Variants in MAPK10 observed in about 807,000 individuals in gnomAD.
MAPK10 encodes the protein JNK3 alpha protein kinase.
Under a neutral mutation model 59.3 loss-of-function variants are expected in MAPK10, and 25 were observed. The observed-to-expected ratio is 0.42, with a 90% CI of 0.31 to 0.59. The LOEUF is 0.59. Among genes scored for constraint, MAPK10 ranks in the 20% least tolerant of loss-of-function variants. MAPK10 has a pLI of 0.15. For synonymous variants in MAPK10, 190 were observed against 200.5 expected (o/e 0.95, Z 0.44); for missense variants, 351 against 568.9 (o/e 0.62, Z 3.90).
intron 4 of MAPK10, among the ~76,000 whole-genome samples, chr4:86,157,830 A>C (rs2068286124): frequency 6.6e-6 from 1 of 151,954 alleles, no homozygotes; most frequent in African/African-American, 2.4e-5. Flanking sequence ...TCTATTTTTG[A>C]GTCATTAAAG....
intron 1 of MAPK10, among the ~76,000 whole-genome samples, chr4:86,417,020 T>G (rs1261764710): frequency 1.3e-5 from 2 of 152,198 alleles, no homozygotes; most frequent in Admixed American, 6.5e-5. Flanking sequence ...AGAGAACACC[T>G]GCATTATCTG....
intron 1 of MAPK10, among the ~76,000 whole-genome samples, chr4:86,416,922 T>C (rs1256700525): frequency 2.6e-5 from 4 of 152,216 alleles, no homozygotes; most frequent in Non-Finnish European, 5.9e-5. Context: ...AAGAACCTGC[T>C]GCTGGAATTG....
rs566687927 is a variant in MAPK10 at position 86,584,558 on chromosome 4, C to G, written c.-263+9352G>C. ...TTCCAGGCTCAAGCAATCCTCCCAT[C>G]TCAGCCTCCCAAGTTGCTGGGACTA... On this transcript the variant is annotated intron_variant, in intron 1 of 4. Coordinates refer to the MAPK10 transcript ENST00000502302. Among the ~76,000 whole-genome samples, 7 of 152,250 alleles carry G rather than the reference C, an allele frequency of 4.6e-5. No individual in the cohort carries two copies. The South Asian group carries it at 1.5e-3, about 32-fold the overall frequency.
intron 11 of MAPK10, among the ~76,000 whole-genome samples, chr4:86,042,454 C>T (rs1035377831): frequency 4.0e-5 from 6 of 151,886 alleles, no homozygotes; most frequent in South Asian, 2.1e-4. Context: ...CAAACCTGCA[C>T]GTTCTGCACA....
At chr4:86,350,650 A>G (rs1275343817) in intron 2 of MAPK10, among the ~76,000 whole-genome samples, 8 of 152,210 alleles carry the variant, frequency 5.3e-5, no homozygotes. Context: ...CCACCTGGCC[A>G]GAAGTATGGC....
intron 11 of MAPK10, among the ~76,000 whole-genome samples, chr4:86,037,275 C>T (rs945607966): frequency 6.6e-6 from 1 of 152,142 alleles, no homozygotes; most frequent in Non-Finnish European, 1.5e-5. Context: ...AATCCCAGGC[C>T]TTTGGGAGGC....
intron 5 of MAPK10, among the ~76,000 whole-genome samples, chr4:86,106,181 A>G (rs2056498766): frequency 6.6e-6 from 1 of 152,136 alleles, no homozygotes; most frequent in South Asian, 2.1e-4. Flanking sequence ...GAATCTGCAT[A>G]TTTGCATTTC....
intron 1 of MAPK10, among the ~76,000 whole-genome samples, chr4:86,483,336 G>A (rs1326591006): frequency 6.6e-6 from 1 of 151,994 alleles, no homozygotes; most frequent in South Asian, 2.1e-4. Context: ...ATTTGATTAT[G>A]AGTGTGCTTA....
chr4:86,503,348 A>C (rs1326909608), intron 1 of MAPK10, among the ~76,000 whole-genome samples: 2 of 151,976 alleles, frequency 1.3e-5, no homozygotes, highest in East Asian at 3.9e-4. Flanking sequence ...TACTTTTCCA[A>C]TTAGATTGTT....
intron 1 of MAPK10, among the ~76,000 whole-genome samples, chr4:86,554,505 A>C (rs1434417978): frequency 6.6e-6 from 1 of 152,194 alleles, no homozygotes. Flanking sequence ...CAAGTAAAAA[A>C]TTCATCTGGA....
rs368065983 is a variant in MAPK10 at position 86,420,911 on chromosome 4, AT to A, written c.-122+32118del. On this transcript the variant is annotated intron_variant, in intron 1 of 13. Transcript: ENST00000361569. ...AGCCTGGCCAACAAGGGGAAACCCCATCTCTACTAAAAATACAAAAATTAGC... is the reference window on the plus strand; with the variant it reads ...AGCCTGGCCAACAAGGGGAAACCCCACTCTACTAAAAATACAAAAATTAGC... Among the ~76,000 whole-genome samples, 46 of 152,152 alleles carry A rather than the reference AT, an allele frequency of 3.0e-4. No homozygotes were observed. The East Asian group carries it at 3.7e-3, about 12-fold the overall frequency.
intron 2 of MAPK10, among the ~76,000 whole-genome samples, chr4:86,213,401 G>T (rs1386252063): frequency 6.6e-6 from 1 of 152,054 alleles, no homozygotes; most frequent in Non-Finnish European, 1.5e-5. Context: ...AAAGAAAATT[G>T]TTGAAATCGA....
At chr4:86,458,215 G>T, upstream of MAPK10, among the ~76,000 whole-genome samples, 1 of 151,862 alleles carries the variant, frequency 6.6e-6, no homozygotes, top group East Asian at 1.9e-4. Context: ...CAGGAGAATT[G>T]CTTGAACCTG....
At chr4:86,043,170 G>C (rs1362641526) in intron 11 of MAPK10, among the ~76,000 whole-genome samples, 1 of 152,092 alleles carries the variant, frequency 6.6e-6, no homozygotes, top group Admixed American at 6.6e-5. Context: ...TTAAAATTAA[G>C]GCTGTGGTGG....
chr4:86,191,147 G>A lies in MAPK10; in HGVS notation c.66+3189C>T, dbSNP rs557103921. ...ATTTCCATTCTTTTGCATTTGCTGAGGAGTGTTTTACTTCCAATTATGTGG... is the reference window on the plus strand; with the variant it reads ...ATTTCCATTCTTTTGCATTTGCTGAAGAGTGTTTTACTTCCAATTATGTGG... On this transcript the variant is annotated intron_variant, in intron 3 of 13. Transcript: ENST00000641462. Among the ~76,000 whole-genome samples the A allele has an allele frequency of 9.9e-5, 15 of 152,244 alleles. No homozygotes were observed. In the South Asian group the frequency reaches 1.9e-3, roughly 19 times the overall value.
At chr4:86,166,681 C>T (rs551949308) in intron 3 of MAPK10, among the ~76,000 whole-genome samples, 30 of 152,238 alleles carry the variant, frequency 2.0e-4, no homozygotes, top group Non-Finnish European at 3.8e-4. Flanking sequence ...GACAGTGCTC[C>T]ATGAATATCC....
At chr4:86,592,230 C>G (rs1763093194) in intron 1 of MAPK10, among the ~76,000 whole-genome samples, 1 of 151,952 alleles carries the variant, frequency 6.6e-6, no homozygotes, top group South Asian at 2.1e-4. Context: ...AGGAATTTAA[C>G]CTGTAGATTT....
intron 11 of MAPK10, chr4:86,040,812 G>C (rs941983850): frequency 3.3e-5 from 5 of 151,988 alleles, no homozygotes; most frequent in Non-Finnish European, 7.4e-5. Context: ...AGGAGTGTAT[G>C]GGACAACATA....
intron 3 of MAPK10, among the ~76,000 whole-genome samples, chr4:86,160,046 T>C (rs1562480320): frequency 6.6e-6 from 1 of 152,046 alleles, no homozygotes; most frequent in Non-Finnish European, 1.5e-5. Context: ...GAATTAAGCA[T>C]AGCAAAATTC....
Sources: allele counts gnomAD v4.1 joint callset (sites outside exome capture counted in the v4.1 genomes callset), GRCh38; gene constraint gnomAD v4.1.1; transcripts MANE v1.5; gene names NCBI Gene and HGNC (gene_info 2026-07-23, HGNC 2026-07-21).